The following SLC25A48 variants were observed in gnomAD, a reference collection of about 807,000 sequenced individuals.
SLC25A48 encodes CTC-321K16.1.
In SLC25A48, 29 loss-of-function variants were observed where a neutral mutation model predicts 32.2. The ratio of observed to expected loss-of-function variants is 0.90; its 90% confidence interval spans 0.67 to 1.23. The LOEUF is 1.23. SLC25A48 is among the 50% of genes most tolerant of loss of function. The pLI, the probability that SLC25A48 is intolerant of heterozygous loss-of-function variation, is 0.00. For missense variants in SLC25A48, 399 were observed against 422.7 expected (o/e 0.94, Z 0.49); for synonymous variants, 164 against 172.3 (o/e 0.95, Z 0.38).
At chr5:135,666,657 CAG>C (rs70976575) in intron 3 of SLC25A48, among the ~76,000 whole-genome samples, 4,258 of 149,876 alleles carry the variant, frequency 0.028, 61 homozygotes, top group Middle Eastern at 0.034. Flanking sequence ...TTCAGGGCAT[CAG>C]AGAGAGAGAG....
intron 3 of SLC25A48, among the ~76,000 whole-genome samples, chr5:135,762,973 T>C (rs757514450): frequency 3.9e-5 from 6 of 151,944 alleles, no homozygotes; most frequent in Non-Finnish European, 7.4e-5. Context: ...AGTATGTGTG[T>C]GCATGTGTAT....
intron 3 of SLC25A48, among the ~76,000 whole-genome samples, chr5:135,789,171 A>T (rs1282115480): frequency 1.3e-5 from 2 of 151,798 alleles, no homozygotes; most frequent in Admixed American, 1.3e-4. Flanking sequence ...GGGTGATATT[A>T]GTCCCCATGT....
At chr5:135,613,785 G>C (rs905276482) in intron 1 of SLC25A48, among the ~76,000 whole-genome samples, 1 of 152,108 alleles carries the variant, frequency 6.6e-6, no homozygotes, top group Non-Finnish European at 1.5e-5. Context: ...TCTCAATTCT[G>C]TTCCATTGGT....
intron 3 of SLC25A48, among the ~76,000 whole-genome samples, chr5:135,670,705 G>A (rs1044181431): frequency 5.9e-5 from 9 of 152,208 alleles, no homozygotes; most frequent in African/African-American, 1.9e-4. Context: ...GTCTCACTCG[G>A]TAGAGCTGGG....
At chr5:135,817,965 C>T (rs764058615) in intron 4 of SLC25A48, among the ~76,000 whole-genome samples, 2 of 151,724 alleles carry the variant, frequency 1.3e-5, no homozygotes, top group South Asian at 4.2e-4. Context: ...AAAAAGTAAA[C>T]AAAAACATTG....
intron 4 of SLC25A48, among the ~76,000 whole-genome samples, chr5:135,819,040 G>C (rs1757811437): frequency 6.6e-6 from 1 of 151,546 alleles, no homozygotes; most frequent in South Asian, 2.1e-4. Context: ...GAAGGACACA[G>C]AGAAAAGGTT....
In SLC25A48 at chr5:135,815,487, C is replaced by A. The variant is rs549767195; in HGVS notation, c.-117+2561C>A. On this transcript the variant is annotated intron_variant, in intron 4 of 10. Coordinates refer to the SLC25A48 transcript ENST00000646290. ...ATGGCCTAGGGGTTGGGGACCCCTG[C>A]TATAAAGGCACCAAAAGCTGCTTGC... is the stretch of plus-strand genomic sequence containing the variant. Among the ~76,000 whole-genome samples the A allele has an allele frequency of 9.9e-5, 15 of 152,254 alleles. No individual in the cohort carries two copies. In the East Asian group the frequency reaches 2.7e-3, roughly 27 times the overall value.
At chr5:135,823,219 C>T (rs1401357040) in intron 4 of SLC25A48, among the ~76,000 whole-genome samples, 1 of 152,132 alleles carries the variant, frequency 6.6e-6, no homozygotes, top group African/African-American at 2.4e-5. Context: ...TTCCATGGGT[C>T]AGGAGTCCAC....
chr5:135,704,447 C>A (rs567662901), intron 3 of SLC25A48, among the ~76,000 whole-genome samples: 81 of 152,336 alleles, frequency 5.3e-4, no homozygotes, highest in African/African-American at 1.9e-3. Context: ...GGAGAGAAAG[C>A]TGAGGCCCAG....
chr5:135,799,058 C>A (rs1398268348), intron 3 of SLC25A48, among the ~76,000 whole-genome samples: 1 of 151,714 alleles, frequency 6.6e-6, no homozygotes, highest in Non-Finnish European at 1.5e-5. Context: ...TGATATTACT[C>A]CCAATATCGC....
intron 3 of SLC25A48, among the ~76,000 whole-genome samples, chr5:135,777,324 A>T (rs1398181383): frequency 6.6e-6 from 1 of 151,712 alleles, no homozygotes; most frequent in Admixed American, 6.6e-5. Context: ...CCACCCCCCA[A>T]TATTGTTCCC....
chr5:135,596,376 A>T (rs1390815643), intron 1 of SLC25A48, among the ~76,000 whole-genome samples: 1 of 152,196 alleles, frequency 6.6e-6, no homozygotes, highest in African/African-American at 2.4e-5. Flanking sequence ...ATGCACAGAG[A>T]CATGTGACTT....
At chr5:135,646,014 G>A (rs1233139606) in intron 3 of SLC25A48, among the ~76,000 whole-genome samples, 1 of 152,192 alleles carries the variant, frequency 6.6e-6, no homozygotes, top group Non-Finnish European at 1.5e-5. Flanking sequence ...CTTGGGAATA[G>A]CTGCAAGTTT....
At chr5:135,721,191 C>CTTTTTT (rs1754944273) in intron 3 of SLC25A48, among the ~76,000 whole-genome samples, 2 of 76,856 alleles carry the variant, frequency 2.6e-5, no homozygotes, top group African/African-American at 4.0e-5. Flanking sequence ...CCATGCCTGG[C>CTTTTTT]CTTTTTTTTT....
At chr5:135,763,754 A>AACACACACACACACACACACAC (rs747888245) in intron 3 of SLC25A48, among the ~76,000 whole-genome samples, 33 of 145,976 alleles carry the variant, frequency 2.3e-4, no homozygotes, top group South Asian at 1.5e-3. Flanking sequence ...GAGAAATAGG[A>AACACACACACACACACACACAC]ACACACACAT....
intron 1 of SLC25A48, among the ~76,000 whole-genome samples, chr5:135,587,985 C>T (rs915354874): frequency 5.9e-5 from 9 of 152,188 alleles, no homozygotes; most frequent in Admixed American, 3.3e-4. Flanking sequence ...ACTCTGAGAA[C>T]GGGCCCCTGT....
chr5:135,745,013 G>T (rs1323362292), intron 3 of SLC25A48, among the ~76,000 whole-genome samples: 1 of 152,174 alleles, frequency 6.6e-6, no homozygotes, highest in African/African-American at 2.4e-5. Context: ...CTGCACTCCA[G>T]CCTGGGCTAC....
intron 3 of SLC25A48, among the ~76,000 whole-genome samples, chr5:135,794,194 T>C (rs1561496179): frequency 6.6e-6 from 1 of 151,856 alleles, no homozygotes; most frequent in Non-Finnish European, 1.5e-5. Flanking sequence ...ACTCTCATTA[T>C]CGCAGGTGGT....
chr5:135,870,180 A>G (rs1281714903), intron 4 of SLC25A48, among the ~76,000 whole-genome samples: 2 of 152,208 alleles, frequency 1.3e-5, no homozygotes, highest in African/African-American at 4.8e-5. Flanking sequence ...TCAGATTGGA[A>G]CACTGTACAG....
Sources: allele counts gnomAD v4.1 joint callset (sites outside exome capture counted in the v4.1 genomes callset), GRCh38; gene constraint gnomAD v4.1.1; transcripts MANE v1.5; gene names NCBI Gene and HGNC (gene_info 2026-07-23, HGNC 2026-07-21).